The following EXOSC10 variants were observed in gnomAD, a reference collection of about 807,000 sequenced individuals.
EXOSC10 encodes the protein exosome component 10, also known as exosome complex component 10.
Under a neutral mutation model 126.6 loss-of-function variants are expected in EXOSC10, and 94 were observed. The observed-to-expected ratio is 0.74, with a 90% CI of 0.63 to 0.88. EXOSC10 has a LOEUF of 0.88. EXOSC10 is among the 40% of genes least tolerant of loss of function. The pLI is 0.00. For missense variants in EXOSC10, 1,041 were observed against 1,100.5 expected (o/e 0.95, Z 0.77); for synonymous variants, 395 against 400.8 (o/e 0.99, Z 0.17).
chr1:11,076,708 C>A, intron 17 of EXOSC10, 134 bp downstream of exon 17: 1 of 709,758 alleles, frequency 1.4e-6, no homozygotes, highest in Non-Finnish European at 2.4e-6. Context: ...CTATGCCTCT[C>A]CCAGCACTGC....
chr1:11,099,692 C>T, intron 1 of EXOSC10, 29 bp downstream of exon 1: 6 of 1,574,914 alleles, frequency 3.8e-6, no homozygotes, highest in Non-Finnish European at 5.2e-6. Flanking sequence ...CGGGCGACTC[C>T]TGGTACCCCC....
Position 11,087,430 on chromosome 1 carries a change from TACA to T in EXOSC10, c.1089+15_1089+17del. 2 of 1,613,926 alleles carry T rather than the reference TACA, an allele frequency of 1.2e-6. No homozygotes were observed. Among genetic ancestry groups the T allele is most frequent in the Non-Finnish European group, 1.7e-6 (2 of 1,179,868 alleles). On this transcript the variant is annotated intron_variant, in intron 9 of 24. Transcript: ENST00000376936. ...CTTGTATGAGCTCACATGCATGAGTTACAAAAGGCTGGCTGACCTTAACGATGG... is the reference window on the plus strand; with the variant it reads ...CTTGTATGAGCTCACATGCATGAGTTAAAGGCTGGCTGACCTTAACGATGG...
At chr1:11,078,289 G>A (rs113004832) in intron 14 of EXOSC10, among the ~76,000 whole-genome samples, 6,065 of 142,956 alleles carry the variant, frequency 0.042, 248 homozygotes, top group African/African-American at 0.096. Context: ...ACGGAGTCTC[G>A]CTCTGTCGCC....
At chr1:11,070,051 G>A (rs1042755698) in intron 21 of EXOSC10, among the ~76,000 whole-genome samples, 6 of 151,942 alleles carry the variant, frequency 3.9e-5, no homozygotes, top group Admixed American at 3.9e-4. Context: ...GGGCAACATA[G>A]CAAGACCCCT....
chr1:11,090,790 C>G, intron 5 of EXOSC10, 122 bp from the exon 6 acceptor site: 1 of 836,372 alleles, frequency 1.2e-6, no homozygotes, highest in East Asian at 2.7e-5. Flanking sequence ...CATGTTCTGT[C>G]CCCCAGGCTG....
intron 17 of EXOSC10, 41 bp downstream of exon 17, chr1:11,076,801 G>A (rs944713870): frequency 1.4e-6 from 2 of 1,435,048 alleles, no homozygotes; most frequent in African/African-American, 1.4e-5. Context: ...GTAAATCCCA[G>A]GGGGTCCTCA....
Position 11,071,048 on chromosome 1 carries a change from G to A in EXOSC10, c.2243-75C>T, listed in dbSNP as rs199745538. On this transcript the variant is annotated intron_variant, in intron 20 of 24. Coordinates refer to ENST00000376936, the MANE Select transcript of EXOSC10 (RefSeq NM_001001998.3). ...CTCCCCTCCATCTCCATCCCCCTCC[G>A]ACTTGGCCTAGCCACAGGGGTTGTC... 67 of 1,407,612 alleles carry A rather than the reference G, an allele frequency of 4.8e-5. No individual in the cohort carries two copies. The East Asian group carries it at 1.5e-3, about 31-fold the overall frequency. The allele number at this position is 1,407,612 out of a possible 1,614,324, so 87.2% of individuals were successfully genotyped here.
chr1:11,075,853 C>CCAAAAAAA (rs1639782902), intron 17 of EXOSC10, among the ~76,000 whole-genome samples: 1 of 35,122 alleles, frequency 2.8e-5, no homozygotes, highest in African/African-American at 1.3e-4. Flanking sequence ...GATCCTGTCA[C>CCAAAAAAA]AAAAAAAAAA....
chr1:11,088,604 T>A (rs1640627452), intron 6 of EXOSC10, among the ~76,000 whole-genome samples: 1 of 152,246 alleles, frequency 6.6e-6, no homozygotes, highest in African/African-American at 2.4e-5. Flanking sequence ...TTATATTTTT[T>A]CTGATCCTAA....
intron 17 of EXOSC10, among the ~76,000 whole-genome samples, chr1:11,074,692 T>C (rs12118754): frequency 0.059 from 8,975 of 152,160 alleles, 390 homozygotes; most frequent in East Asian, 0.15. Context: ...GGATTACAGG[T>C]GTGAGCCACC....
At chr1:11,086,376 C>G (rs1640494511) in intron 9 of EXOSC10, among the ~76,000 whole-genome samples, 1 of 152,158 alleles carries the variant, frequency 6.6e-6, no homozygotes, top group South Asian at 2.1e-4. Flanking sequence ...AGGAATTTAT[C>G]CATTTCTTCT....
chr1:11,088,025 A>C, intron 7 of EXOSC10, 98 bp downstream of exon 7: 1 of 1,281,092 alleles, frequency 7.8e-7, no homozygotes, highest in Non-Finnish European at 1.1e-6. Context: ...TCTCCCTTAA[A>C]GATCTTCAAG....
chr1:11,086,673 A>G (rs1240409791), intron 9 of EXOSC10, among the ~76,000 whole-genome samples: 2 of 152,158 alleles, frequency 1.3e-5, no homozygotes, highest in Admixed American at 6.6e-5. Context: ...ACTCACTCAA[A>G]ACCGCTCAAC....
chr1:11,082,658 C>A, intron 10 of EXOSC10, 30 bp downstream of exon 10: 1 of 1,611,740 alleles, frequency 6.2e-7, no homozygotes. Context: ...TCTTCTGCCA[C>A]CCACATTTCC....
At chr1:11,084,926 T>C (rs1182321143) in intron 9 of EXOSC10, among the ~76,000 whole-genome samples, 1 of 152,206 alleles carries the variant, frequency 6.6e-6, no homozygotes, top group Non-Finnish European at 1.5e-5. Context: ...TTGTCAAAGA[T>C]CAGATAGTTG....
chr1:11,069,227 C>CTGTGTGTGTGTGTGTGTGTGTGTGTG (rs146028725), intron 22 of EXOSC10, among the ~76,000 whole-genome samples: 2 of 135,344 alleles, frequency 1.5e-5, no homozygotes, highest in African/African-American at 5.2e-5. Flanking sequence ...AAACAAAATT[C>CTGTGTGTGTGTGTGTGTGTGTGTGTG]TGTGTGTGTG....
At chr1:11,090,803 G>C (rs1049816568) in intron 5 of EXOSC10, 135 bp from the exon 6 acceptor site, 1 of 817,202 alleles carries the variant, frequency 1.2e-6, no homozygotes, top group Admixed American at 2.8e-5. Context: ...CCAGGCTGAA[G>C]TGTGGTGGCA....
At chr1:11,078,995 G>C (rs1454069757) in intron 14 of EXOSC10, among the ~76,000 whole-genome samples, 1 of 152,104 alleles carries the variant, frequency 6.6e-6, no homozygotes, top group Non-Finnish European at 1.5e-5. Context: ...ACCAGCTCAT[G>C]AATCTAGGAA....
chr1:11,090,059 G>A (rs983575664), intron 6 of EXOSC10, among the ~76,000 whole-genome samples: 3 of 145,110 alleles, frequency 2.1e-5, no homozygotes, highest in Non-Finnish European at 3.0e-5. Flanking sequence ...GTGCAGTGAC[G>A]CCATCTTGGC....
Sources: gnomAD v4.1 joint callset for allele counts (sites outside exome capture counted in the v4.1 genomes callset) on GRCh38, gnomAD v4.1.1 for gene constraint, MANE v1.5 for transcripts, NCBI Gene and HGNC (gene_info 2026-07-23, HGNC 2026-07-21) for gene names.